The following MPRIP variants were observed in gnomAD, a reference collection of about 807,000 sequenced individuals.
MPRIP encodes the protein myosin phosphatase Rho interacting protein, also known as myosin phosphatase Rho-interacting protein.
MPRIP carries 59 observed loss-of-function variants against 234.9 expected under a neutral mutation model. The observed-to-expected ratio is 0.25, with a 90% confidence interval of 0.20 to 0.31. The LOEUF is 0.31. Among genes scored for constraint, MPRIP ranks in the 10% least tolerant of loss-of-function variants. The pLI is 1.00. For missense variants in MPRIP, 2,436 were observed against 3,071.0 expected (o/e 0.79, Z 4.89); for synonymous variants, 1,144 against 1,263.9 (o/e 0.91, Z 2.01).
intron 1 of MPRIP, among the ~76,000 whole-genome samples, chr17:17,055,330 C>T (rs2088660289): frequency 6.6e-6 from 1 of 152,156 alleles, no homozygotes; most frequent in South Asian, 2.1e-4. Flanking sequence ...AAGGAAAATC[C>T]TTGTGCCGGG....
chr17:17,158,440 C>T lies in MPRIP; in HGVS notation c.1838C>T (p.Pro613Leu). The T allele has an allele frequency of 6.4e-7, 1 of 1,566,008 alleles. No individual in the cohort carries two copies. Among genetic ancestry groups the T allele is most frequent in the Non-Finnish European group, 8.7e-7 (1 of 1,155,976 alleles). Residue 613 changes from proline to leucine, a missense_variant, in exon 14 of 24, where the codon CCA (proline) becomes CTA (leucine). By Grantham distance (98) the Pro-to-Leu change is moderately conservative. Transcript: ENST00000651222. ...ATCCTCCTGCCCCACAGCTCGTTGC[C>T]AGAGGAAAAAAACAAGAGCAGCTGC... ...TTAPDVTSSLPEEKNKSSCSF... is the reference protein window; with the variant it reads ...TTAPDVTSSLLEEKNKSSCSF...
At chr17:17,156,824 T>TA (rs1466410214) in intron 13 of MPRIP, among the ~76,000 whole-genome samples, 1 of 152,254 alleles carries the variant, frequency 6.6e-6, no homozygotes, top group East Asian at 1.9e-4. Context: ...AGCGTGCTCT[T>TA]ACAGTGGACA....
At chr17:17,180,153 T>A (rs1555598590) in intron 23 of MPRIP, 65 bp downstream of exon 23, 1 of 1,327,262 alleles carries the variant, frequency 7.5e-7, no homozygotes, top group Non-Finnish European at 1.0e-6. Context: ...GTAGCCCAAA[T>A]TGAAGTATGA....
At chr17:17,150,697 C>CA (rs35336436) in intron 12 of MPRIP, among the ~76,000 whole-genome samples, 13,187 of 72,978 alleles carry the variant, frequency 0.18, 816 homozygotes, top group Non-Finnish European at 0.23. Context: ...GCACTGTTCT[C>CA]AAAAAAAAAA....
intron 3 of MPRIP, among the ~76,000 whole-genome samples, chr17:17,116,844 C>T (rs1567725598): frequency 1.3e-5 from 2 of 152,234 alleles, no homozygotes; most frequent in East Asian, 1.9e-4. Flanking sequence ...GCCTGGGAAA[C>T]CAGCCTCTGG....
chr17:17,169,912 G>A (rs1056839073), intron 16 of MPRIP, among the ~76,000 whole-genome samples: 1 of 152,066 alleles, frequency 6.6e-6, no homozygotes, highest in Non-Finnish European at 1.5e-5. Flanking sequence ...TTAGCATATA[G>A]TTTCTCTCCA....
Position 17,164,159 on chromosome 17 carries a change from C to T in MPRIP, c.2568C>T (p.Val856=), listed in dbSNP as rs2045930734. The T allele has an allele frequency of 1.5e-6, 2 of 1,304,166 alleles. No individual in the cohort carries two copies. The highest frequency in any genetic ancestry group is 3.0e-5 in the African/African-American group (2 of 65,852). 80.8% of individuals were successfully genotyped at this position (1,304,166 alleles called of 1,614,324 possible). A position where few individuals can be genotyped will look rare whatever the true frequency, so the allele number is the denominator to read the frequency against. Residue 856 remains valine, a synonymous_variant, in exon 16 of 24, where the codon GTC becomes GTT. Coordinates refer to ENST00000651222, the MANE Select transcript of MPRIP (RefSeq NM_001364716.4). ...PSGAWQRLHR[V]NQDLQSELEA... is the part of the protein sequence containing the mutation. ...GTGCCTGGCAGAGGCTCCATAGAGT[C>T]AACCAAGACCTTCAAAGTGAGCTTG...
intron 1 of MPRIP, among the ~76,000 whole-genome samples, chr17:17,068,640 C>G (rs191623976): frequency 2.0e-5 from 3 of 151,868 alleles, no homozygotes; most frequent in Admixed American, 6.6e-5. Flanking sequence ...AGGCAATTCT[C>G]CTGCCTCAGC....
intron 1 of MPRIP, among the ~76,000 whole-genome samples, chr17:17,050,850 G>A (rs1488293939): frequency 2.6e-5 from 4 of 152,190 alleles, no homozygotes; most frequent in African/African-American, 9.7e-5. Context: ...TGGTGGGCAG[G>A]CTGGCGTATC....
intron 1 of MPRIP, among the ~76,000 whole-genome samples, chr17:17,068,762 C>T (rs983663100): frequency 1.3e-5 from 2 of 152,128 alleles, no homozygotes; most frequent in African/African-American, 4.8e-5. Context: ...AACTCCTGAC[C>T]TTGTGATCTG....
intron 3 of MPRIP, among the ~76,000 whole-genome samples, chr17:17,123,557 A>T (rs1207921509): frequency 1.3e-5 from 2 of 152,042 alleles, no homozygotes; most frequent in African/African-American, 4.8e-5. Flanking sequence ...TACAAAAATT[A>T]GCTGGGTGTG....
At chr17:17,093,658 A>C (rs193292409) in intron 3 of MPRIP, among the ~76,000 whole-genome samples, 6 of 152,356 alleles carry the variant, frequency 3.9e-5, no homozygotes, top group Non-Finnish European at 7.4e-5. Flanking sequence ...TATGTACAGT[A>C]GTTCAAAAAG....
chr17:17,177,378 G>T lies in MPRIP; in HGVS notation c.7086G>T (p.Glu2362Asp). The T allele has an allele frequency of 6.2e-7, 1 of 1,613,824 alleles. No individual in the cohort carries two copies. The highest frequency in any genetic ancestry group is 8.5e-7 in the Non-Finnish European group (1 of 1,180,034). ...QLKAATEALG[E>D]KSPDSATVSG... ...AGGCTGCAACGGAAGCACTGGGGGAGAAGTCCCCTGACAGTGCCACGGTGT... is the reference window on the plus strand; with the variant it reads ...AGGCTGCAACGGAAGCACTGGGGGATAAGTCCCCTGACAGTGCCACGGTGT... The change falls in exon 22 of 24, where the codon GAG (glutamate) becomes GAT (aspartate). Residue 2362 changes from glutamate to aspartate, a missense_variant. Glu to Asp is a conservative substitution (Grantham distance 45). Around this residue, in one of 4 missense-constraint regions of MPRIP, gnomAD observed 1,998 missense variants for 2,520.3 expected, o/e 0.79. Coordinates refer to ENST00000651222, the MANE Select transcript of MPRIP (RefSeq NM_001364716.4).
intron 3 of MPRIP, among the ~76,000 whole-genome samples, chr17:17,094,551 G>C (rs1054017434): frequency 2.6e-5 from 4 of 151,716 alleles, no homozygotes; most frequent in Non-Finnish European, 5.9e-5. Flanking sequence ...CTAGTCCAGA[G>C]TGTGTCTTAT....
At chr17:17,124,231 T>C (rs1015542601) in intron 3 of MPRIP, among the ~76,000 whole-genome samples, 7 of 152,160 alleles carry the variant, frequency 4.6e-5, no homozygotes, top group African/African-American at 1.7e-4. Context: ...AAACAATTAC[T>C]GCGTAAGAGG....
At chr17:17,111,482 C>A (rs879417012) in intron 3 of MPRIP, among the ~76,000 whole-genome samples, 1 of 152,162 alleles carries the variant, frequency 6.6e-6, no homozygotes, top group Non-Finnish European at 1.5e-5. Context: ...TCCCATCTCC[C>A]CTGCAGCCTG....
intron 14 of MPRIP, 97 bp downstream of exon 14, chr17:17,159,099 C>G: frequency 7.7e-7 from 1 of 1,298,586 alleles, no homozygotes; most frequent in South Asian, 1.5e-5. Context: ...TCTAGACAGT[C>G]CTACCCGCGA....
chr17:17,043,192 C>T (rs973950898), intron 1 of MPRIP, among the ~76,000 whole-genome samples: 2 of 152,184 alleles, frequency 1.3e-5, no homozygotes, highest in Non-Finnish European at 2.9e-5. Context: ...CATTGCCCGG[C>T]TGTGTGATTC....
At chr17:17,160,139 C>A (rs576105492) in intron 14 of MPRIP, among the ~76,000 whole-genome samples, 1 of 152,138 alleles carries the variant, frequency 6.6e-6, no homozygotes, top group Non-Finnish European at 1.5e-5. Flanking sequence ...GAGGCCGAGG[C>A]GGGCGGATCA....
Sources: gnomAD v4.1 joint callset for allele counts (sites outside exome capture counted in the v4.1 genomes callset) on GRCh38, gnomAD v4.1.1 for gene constraint, gnomAD v4.1.1 regional missense constraint, MANE v1.5 for transcripts, NCBI Gene and HGNC (gene_info 2026-07-23, HGNC 2026-07-21) for gene names.